Variants in LINGO1 observed in about 807,000 individuals in gnomAD.
The protein encoded by LINGO1 is leucine-rich repeat and immunoglobulin-like domain-containing nogo receptor-interacting protein 1.
A neutral mutation model predicts 37.3 loss-of-function variants in LINGO1; 11 were observed. That is an observed-to-expected ratio of 0.29 (90% CI 0.19 to 0.49). The LOEUF (loss-of-function observed/expected upper bound fraction) is 0.49. Ranked by LOEUF, LINGO1 falls within the 20% of genes least tolerant of loss-of-function variation. The pLI, the probability that LINGO1 is intolerant of heterozygous loss-of-function variation, is 0.99. For synonymous variants in LINGO1, 387 were observed against 403.0 expected (o/e 0.96, Z 0.48); for missense variants, 585 against 878.2 (o/e 0.67, Z 4.22).
At chr15:77,783,101 T>C (rs529633558) in intron 1 of LINGO1, among the ~76,000 whole-genome samples, 1 of 152,220 alleles carries the variant, frequency 6.6e-6, no homozygotes, top group Admixed American at 6.5e-5. Flanking sequence ...GAGGCCTGCC[T>C]GGATGCCCAT....
chr15:77,736,982 G>A (rs1235026763), intron 1 of LINGO1, among the ~76,000 whole-genome samples: 1 of 152,154 alleles, frequency 6.6e-6, no homozygotes, highest in African/African-American at 2.4e-5. Flanking sequence ...GGCATGCCAC[G>A]TGGGGTGTAC....
intron 1 of LINGO1, among the ~76,000 whole-genome samples, chr15:77,761,732 G>T (rs1461422838): frequency 6.6e-6 from 1 of 152,224 alleles, no homozygotes; most frequent in African/African-American, 2.4e-5. Context: ...CAGCTTCAGG[G>T]ACATGGAGTG....
At chr15:77,652,483 AGTGTGTGTGTGTGTGTGTGTGT>A (rs773433884) in intron 3 of LINGO1, among the ~76,000 whole-genome samples, 2 of 128,878 alleles carry the variant, frequency 1.6e-5, no homozygotes, top group Admixed American at 7.7e-5. Flanking sequence ...GGGGAGGGAG[AGTGTGTGTGTGTGTGTGTGTGT>A]GTGTGTGTGT....
chr15:77,666,762 T>C (rs972098589), intron 3 of LINGO1, among the ~76,000 whole-genome samples: 12 of 152,234 alleles, frequency 7.9e-5, no homozygotes, highest in Admixed American at 3.9e-4. Context: ...GTAAGATGCT[T>C]TTAACAGTGC....
chr15:77,754,775 G>A (rs28459404), intron 1 of LINGO1, among the ~76,000 whole-genome samples: 4,960 of 152,314 alleles, frequency 0.033, 258 homozygotes, highest in African/African-American at 0.11. Flanking sequence ...CCTTGGCCTG[G>A]CCTATCAGAG....
intron 3 of LINGO1, chr15:77,667,220 G>T (rs182893693): frequency 6.6e-6 from 1 of 151,784 alleles, no homozygotes; most frequent in African/African-American, 2.4e-5. Context: ...GAGTGTGGCC[G>T]GGGGCAAGGG....
rs114003641 is a variant in LINGO1, at chr15:77,779,109, C to T, written c.-257+7760G>A. ...AGGCTTCCATATGGCTCCCTGACCTCAACACCCCACTTTACCTAAAAGTCT... is the reference window on the plus strand; with the variant it reads ...AGGCTTCCATATGGCTCCCTGACCTTAACACCCCACTTTACCTAAAAGTCT... On this transcript the variant is annotated intron_variant, in intron 1 of 3. Transcript: ENST00000561686. 4.4e-3 allele frequency among the ~76,000 whole-genome samples: 673 copies of T among 152,268 alleles called. 5 individuals carry two copies. The highest frequency in any genetic ancestry group is 0.015 in the African/African-American group (620 of 41,540).
At chr15:77,733,009 C>T (rs1005685508) in intron 2 of LINGO1, among the ~76,000 whole-genome samples, 5 of 152,248 alleles carry the variant, frequency 3.3e-5, no homozygotes, top group Non-Finnish European at 7.3e-5. Flanking sequence ...CCCTGAATGG[C>T]ATCCCTTCCA....
intron 2 of LINGO1, among the ~76,000 whole-genome samples, chr15:77,793,568 G>A (rs1188587504): frequency 6.6e-6 from 1 of 152,166 alleles, no homozygotes; most frequent in East Asian, 1.9e-4. Flanking sequence ...TTCCCTGCCT[G>A]TCACAACCCT....
At chr15:77,617,137 G>C (rs1432842312) in intron 1 of LINGO1, among the ~76,000 whole-genome samples, 2 of 152,182 alleles carry the variant, frequency 1.3e-5, no homozygotes, top group Non-Finnish European at 2.9e-5. Context: ...TGCCAGGAGC[G>C]GGGTCCAGCT....
chr15:77,789,584 G>A (rs1424898794), upstream of LINGO1, among the ~76,000 whole-genome samples: 1 of 152,166 alleles, frequency 6.6e-6, no homozygotes, highest in Non-Finnish European at 1.5e-5. Flanking sequence ...TCCAGCCTGG[G>A]TGACAGAGTG....
intron 2 of LINGO1, among the ~76,000 whole-genome samples, chr15:77,683,173 C>A (rs535923256): frequency 1.2e-3 from 176 of 152,178 alleles, no homozygotes; most frequent in South Asian, 3.5e-3. Context: ...GTGTGGAGAC[C>A]ATAGTGAGAT....
chr15:77,637,885 T>G (rs940024878), upstream of LINGO1, among the ~76,000 whole-genome samples: 5 of 152,186 alleles, frequency 3.3e-5, no homozygotes, highest in African/African-American at 1.2e-4. This position sits in a 1 kb window ranked among gnomAD's most constrained non-coding sequence, Gnocchi z 4.6. Flanking sequence ...GACTGAAGTC[T>G]CTTAATCAGG....
At chr15:77,680,301 C>T (rs2075392754) in intron 2 of LINGO1, among the ~76,000 whole-genome samples, 1 of 152,156 alleles carries the variant, frequency 6.6e-6, no homozygotes, top group Non-Finnish European at 1.5e-5. Context: ...AGGAAGACAG[C>T]CTTTGTCACA....
rs529636627 is a variant in LINGO1, at chr15:77,716,431, C to G, written c.-195+18561G>C. ...AAGTAGCTAGGACTACAGGTGTGCACCAGCACACCCAGCCGGGCCCTCTCA... is the reference window on the plus strand; with the variant it reads ...AAGTAGCTAGGACTACAGGTGTGCAGCAGCACACCCAGCCGGGCCCTCTCA... On this transcript the variant is annotated intron_variant, in intron 2 of 3. Coordinates refer to the LINGO1 transcript ENST00000561686. 1.5e-4 allele frequency among the ~76,000 whole-genome samples: 22 copies of G among 149,554 alleles called. 3 individuals are homozygous for G. Among genetic ancestry groups the G allele is most frequent in the Non-Finnish European group, 2.7e-4 (18 of 67,180 alleles).
intron 1 of LINGO1, among the ~76,000 whole-genome samples, chr15:77,627,124 C>T (rs1299712770): frequency 6.6e-6 from 1 of 152,144 alleles, no homozygotes; most frequent in Non-Finnish European, 1.5e-5. Flanking sequence ...AAAACACACA[C>T]ACCACACACC....
At chr15:77,698,889 T>C (rs2075731762), upstream of LINGO1, among the ~76,000 whole-genome samples, 2 of 152,020 alleles carry the variant, frequency 1.3e-5, no homozygotes, top group Non-Finnish European at 2.9e-5. Context: ...AGTCCCTGAG[T>C]CCCTGCGGAC....
intron 1 of LINGO1, among the ~76,000 whole-genome samples, chr15:77,771,539 A>G (rs1490903823): frequency 6.6e-6 from 1 of 152,200 alleles, no homozygotes; most frequent in Non-Finnish European, 1.5e-5. Flanking sequence ...CCCCAGCCCT[A>G]GGATTCTCCA....
intron 2 of LINGO1, among the ~76,000 whole-genome samples, chr15:77,679,324 A>G (rs991262821): frequency 1.7e-4 from 26 of 152,118 alleles, no homozygotes; most frequent in Non-Finnish European, 3.5e-4. Flanking sequence ...TGATTTACCT[A>G]TTTACTTTCC....
Sources: allele counts gnomAD v4.1 joint callset (sites outside exome capture counted in the v4.1 genomes callset), GRCh38; gene constraint gnomAD v4.1.1; non-coding constraint Gnocchi (gnomAD v3.1); transcripts MANE v1.5; gene names NCBI Gene and HGNC (gene_info 2026-07-23, HGNC 2026-07-21).